Variants in LUZP2 observed in about 807,000 individuals in gnomAD.
LUZP2 encodes the protein leucine zipper protein 2.
Under a neutral mutation model 51.6 loss-of-function variants are expected in LUZP2, and 52 were observed. The observed-to-expected ratio is 1.01, with a 90% CI of 0.81 to 1.27. LUZP2 has a LOEUF of 1.27. LUZP2 is among the 50% of genes most tolerant of loss of function. The probability of loss-of-function intolerance (pLI) is 0.00; values close to 1 mark genes in which losing one functional copy is unlikely to be tolerated. For missense variants in LUZP2, 436 were observed against 395.4 expected (o/e 1.10, Z -0.87); for synonymous variants, 154 against 137.3 (o/e 1.12, Z -0.85).
At chr11:24,548,944 A>G (rs916899578) in intron 1 of LUZP2, among the ~76,000 whole-genome samples, 2 of 152,072 alleles carry the variant, frequency 1.3e-5, no homozygotes, top group South Asian at 4.1e-4. Context: ...TTAAAGGCCT[A>G]AAACATTAAT....
chr11:25,068,282 T>C (rs1385427750), intron 10 of LUZP2, among the ~76,000 whole-genome samples: 1 of 151,938 alleles, frequency 6.6e-6, no homozygotes, highest in Non-Finnish European at 1.5e-5. Flanking sequence ...ACCTGGACAT[T>C]CTGTACATGT....
chr11:24,707,773 T>G (rs1857647929), intron 1 of LUZP2, among the ~76,000 whole-genome samples: 1 of 152,182 alleles, frequency 6.6e-6, no homozygotes, highest in Non-Finnish European at 1.5e-5. Context: ...AAAGTTTCGG[T>G]ACCGCAAAAG....
chr11:24,789,637 G>C (rs1156910888), intron 5 of LUZP2, among the ~76,000 whole-genome samples: 3 of 152,228 alleles, frequency 2.0e-5, no homozygotes, highest in Admixed American at 2.0e-4. Flanking sequence ...AAAATGGGTG[G>C]CTTATAAACA....
chr11:24,544,531 T>C (rs1026353522), intron 1 of LUZP2, among the ~76,000 whole-genome samples: 2 of 152,042 alleles, frequency 1.3e-5, no homozygotes, highest in Non-Finnish European at 2.9e-5. Flanking sequence ...AAAGTAAGAA[T>C]ATGTGGAATT....
intron 7 of LUZP2, 95 bp from the exon 8 acceptor site, chr11:24,976,496 C>A (rs1204386579): frequency 1.1e-5 from 7 of 623,790 alleles, no homozygotes; most frequent in African/African-American, 4.2e-5. Context: ...TTTCTTTTCT[C>A]TCTTTTTACA....
At chr11:24,725,068 T>C (rs1219184375) in intron 1 of LUZP2, among the ~76,000 whole-genome samples, 6 of 152,200 alleles carry the variant, frequency 3.9e-5, no homozygotes, top group African/African-American at 1.4e-4. Flanking sequence ...GCAATTTCAA[T>C]TAAATTCCCT....
intron 1 of LUZP2, chr11:24,646,712 G>T (rs529316492): frequency 2.1e-6 from 1 of 477,526 alleles, no homozygotes; most frequent in African/African-American, 2.1e-5. Context: ...GGCCATAACT[G>T]TGTCCAGTAG....
At chr11:24,637,235 T>G (rs1219128879) in intron 1 of LUZP2, among the ~76,000 whole-genome samples, 2 of 151,758 alleles carry the variant, frequency 1.3e-5, no homozygotes, top group Non-Finnish European at 2.9e-5. Flanking sequence ...ATTGTGAAGA[T>G]TTCATGGACA....
chr11:24,648,111 T>C (rs978445729), intron 1 of LUZP2, among the ~76,000 whole-genome samples: 2 of 151,930 alleles, frequency 1.3e-5, no homozygotes, highest in African/African-American at 2.4e-5. Context: ...TCAACACTGA[T>C]GCAAAAAAAA....
chr11:24,992,125 G>A (rs896442623), intron 9 of LUZP2, among the ~76,000 whole-genome samples: 2 of 151,884 alleles, frequency 1.3e-5, no homozygotes, highest in Non-Finnish European at 2.9e-5. Context: ...ATTTAACCTT[G>A]AGACTCTGCC....
intron 1 of LUZP2, among the ~76,000 whole-genome samples, chr11:24,682,184 A>G (rs1042158340): frequency 5.3e-5 from 8 of 152,136 alleles, no homozygotes; most frequent in Admixed American, 5.2e-4. Context: ...TGTGCAACTA[A>G]TACATTATAT....
At chr11:24,794,288 C>T (rs1231657145) in intron 5 of LUZP2, among the ~76,000 whole-genome samples, 1 of 152,136 alleles carries the variant, frequency 6.6e-6, no homozygotes, top group Non-Finnish European at 1.5e-5. Context: ...ACATACTCTA[C>T]ATACTTTGCA....
chr11:25,044,924 C>G (rs565532257), intron 9 of LUZP2, among the ~76,000 whole-genome samples: 5 of 151,548 alleles, frequency 3.3e-5, no homozygotes, highest in African/African-American at 1.2e-4. Flanking sequence ...ATGGATGAAA[C>G]TGGAAACCAT....
Position 24,831,605 on chromosome 11 carries a change from T to C in LUZP2, c.396+68297T>C, listed in dbSNP as rs74573088. ...AGTTACTGTCTCTTAAAATTACATA[T>C]AATGAAGAGCTTAAGAATAGGAGTC... On this transcript the variant is annotated intron_variant, in intron 5 of 11. Transcript: ENST00000336930. Among the ~76,000 whole-genome samples the C allele has an allele frequency of 1.4e-3, 206 of 152,312 alleles. 7 individuals are homozygous for C. In the East Asian group the frequency reaches 0.033, roughly 25 times the overall value.
At chr11:24,566,755 C>T (rs1342016698) in intron 1 of LUZP2, among the ~76,000 whole-genome samples, 1 of 144,056 alleles carries the variant, frequency 6.9e-6, no homozygotes, top group African/African-American at 2.5e-5. Context: ...TGTATGTATA[C>T]ATATTTATGT....
chr11:24,702,984 T>C (rs1034222605), intron 1 of LUZP2, among the ~76,000 whole-genome samples: 2 of 152,142 alleles, frequency 1.3e-5, no homozygotes, highest in Non-Finnish European at 2.9e-5. Context: ...ATTATAATGG[T>C]AAAACTAAAA....
chr11:24,504,439 C>G (rs980394618), intron 1 of LUZP2, among the ~76,000 whole-genome samples: 1 of 152,120 alleles, frequency 6.6e-6, no homozygotes, highest in African/African-American at 2.4e-5. Context: ...ATTCCACCTG[C>G]ACATGTTATA....
Position 24,884,428 on chromosome 11 carries a change from T to C in LUZP2, c.397-21563T>C, listed in dbSNP as rs985928711. Among the ~76,000 whole-genome samples the C allele has an allele frequency of 4.6e-5, 7 of 152,020 alleles. No individual in the cohort carries two copies. In the South Asian group the frequency reaches 1.2e-3, roughly 27 times the overall value. On this transcript the variant is annotated intron_variant, in intron 5 of 11. Coordinates refer to ENST00000336930, the MANE Select transcript of LUZP2 (RefSeq NM_001009909.4). ...CACAAAGTAAACACTCCGTAAATGCTAGTTGAAACACAGACATACATTCGA... is the reference window on the plus strand; with the variant it reads ...CACAAAGTAAACACTCCGTAAATGCCAGTTGAAACACAGACATACATTCGA...
At chr11:25,043,846 T>C (rs1858158887) in intron 9 of LUZP2, among the ~76,000 whole-genome samples, 1 of 147,234 alleles carries the variant, frequency 6.8e-6, no homozygotes, top group Non-Finnish European at 1.5e-5. Context: ...CTTTTTGCTT[T>C]TGTTGTTGTC....
Sources: allele counts gnomAD v4.1 joint callset (sites outside exome capture counted in the v4.1 genomes callset), GRCh38; gene constraint gnomAD v4.1.1; transcripts MANE v1.5; gene names NCBI Gene and HGNC (gene_info 2026-07-23, HGNC 2026-07-21).